The following SLK variants were observed in gnomAD, a reference collection of about 807,000 sequenced individuals.
The protein encoded by SLK is STE20-like serine/threonine-protein kinase.
Under a neutral mutation model 147.7 loss-of-function variants are expected in SLK, and 67 were observed. The observed-to-expected ratio is 0.45, with a 90% CI of 0.37 to 0.56. SLK has a LOEUF of 0.56. Among genes scored for constraint, SLK ranks in the 20% least tolerant of loss-of-function variants. The probability of loss-of-function intolerance (pLI) is 0.00; values close to 1 mark genes in which losing one functional copy is unlikely to be tolerated. For missense variants in SLK, 1,136 were observed against 1,438.8 expected (o/e 0.79, Z 3.41); for synonymous variants, 441 against 475.0 (o/e 0.93, Z 0.93).
Position 103,998,985 on chromosome 10 carries a change from T to A in SLK, c.587+14T>A. The A allele has an allele frequency of 6.3e-7, 1 of 1,583,258 alleles. No individual in the cohort carries two copies. The highest frequency in any genetic ancestry group is 2.2e-5 in the East Asian group (1 of 44,674). On this transcript the variant is annotated intron_variant, in intron 5 of 18. Transcript: ENST00000369755. ...TACACCATATTGGTATGTATTCAGT[T>A]TTATGAATTTATAGTATTAGTCATG...
chr10:104,001,632 G>A, intron 8 of SLK, 60 bp downstream of exon 8: 1 of 1,584,516 alleles, frequency 6.3e-7, no homozygotes, highest in Admixed American at 1.7e-5. Context: ...AGGTGTAGTT[G>A]CTCCTGTATC....
At chr10:104,005,751 G>A in intron 10 of SLK, 60 bp downstream of exon 10, 2 of 1,553,582 alleles carry the variant, frequency 1.3e-6, no homozygotes, top group South Asian at 2.4e-5. Context: ...TCTCTGAAAA[G>A]TCAGAAGAAT....
intron 2 of SLK, among the ~76,000 whole-genome samples, chr10:103,992,141 G>T (rs370227152): frequency 4.6e-3 from 423 of 91,726 alleles, no homozygotes; most frequent in Middle Eastern, 0.018. Context: ...TATTTCTTCT[G>T]TTTTTTTTTT....
At chr10:103,968,039 T>C (rs1235074325) in intron 1 of SLK, 144 bp downstream of exon 1, 7 of 823,302 alleles carry the variant, frequency 8.5e-6, no homozygotes, top group Non-Finnish European at 1.3e-5. Context: ...TGGCTGATCA[T>C]CCAAGGAGTA....
At chr10:104,000,843 A>G (rs949568228) in intron 7 of SLK, among the ~76,000 whole-genome samples, 25 of 152,040 alleles carry the variant, frequency 1.6e-4, no homozygotes, top group Admixed American at 6.5e-5. Context: ...GGATCACCTG[A>G]GGTCAGGAGT....
At chr10:103,978,519 A>G (rs1350684970) in intron 1 of SLK, among the ~76,000 whole-genome samples, 1 of 152,142 alleles carries the variant, frequency 6.6e-6, no homozygotes, top group Non-Finnish European at 1.5e-5. Context: ...TTCAGAAAAA[A>G]TTTTAACAAA....
At chr10:103,971,049 G>A (rs1444923060) in intron 1 of SLK, among the ~76,000 whole-genome samples, 1 of 152,064 alleles carries the variant, frequency 6.6e-6, no homozygotes, top group African/African-American at 2.4e-5. Context: ...ATCATGTTGT[G>A]TATTTAGTCT....
At chr10:104,018,562 C>T (rs567134260) in intron 14 of SLK, among the ~76,000 whole-genome samples, 2 of 151,570 alleles carry the variant, frequency 1.3e-5, no homozygotes, top group Non-Finnish European at 2.9e-5. Context: ...TTTTGGTGTT[C>T]GGAGTAGGAC....
chr10:103,991,789 T>A (rs1471728148), intron 2 of SLK, among the ~76,000 whole-genome samples: 3 of 152,106 alleles, frequency 2.0e-5, no homozygotes, highest in Non-Finnish European at 4.4e-5. Context: ...TGTTATTTTT[T>A]AAAATTATAG....
intron 12 of SLK, among the ~76,000 whole-genome samples, chr10:104,009,214 T>C (rs1457296751): frequency 6.6e-6 from 1 of 152,134 alleles, no homozygotes; most frequent in African/African-American, 2.4e-5. Context: ...CTTTTCATGA[T>C]ATAAAAGACA....
Position 104,003,284 on chromosome 10 carries a change from C to G in SLK, c.2106C>G (p.Pro702=). ...KEPEVTVVSQ[P]TEPQPVLIPS... ...CTGAAGTTACTGTAGTTTCACAGCC[C>G]ACTGAACCTCAGCCTGTTCTAATAC... Residue 702 remains proline (P), a synonymous_variant, in exon 9 of 19, where the codon CCC becomes CCG. Transcript: ENST00000369755. 1 of 1,614,032 alleles carries G rather than the reference C, an allele frequency of 6.2e-7. No homozygotes were observed. The highest frequency in any genetic ancestry group is 8.5e-7 in the Non-Finnish European group (1 of 1,179,930).
chr10:104,001,899 A>G (rs559052570), intron 8 of SLK, among the ~76,000 whole-genome samples: 1 of 152,166 alleles, frequency 6.6e-6, no homozygotes. Context: ...TATTTTTAGT[A>G]GAGATGGGGT....
chr10:104,006,809 A>G (rs1261033410), intron 11 of SLK, among the ~76,000 whole-genome samples: 1 of 152,168 alleles, frequency 6.6e-6, no homozygotes, highest in Admixed American at 6.5e-5. Flanking sequence ...GAGATTTCCT[A>G]AGAAAATAGT....
In SLK at chr10:104,005,921, A is replaced by G; in HGVS notation, c.2490A>G (p.Glu830=). The change falls in exon 11 of 19, where the codon GAA becomes GAG. Residue 830 remains glutamate, a synonymous_variant. Coordinates refer to ENST00000369755, the MANE Select transcript of SLK (RefSeq NM_014720.4). ...TEELRFLRRQ[E]LRELRFLQKE... Reference sequence around the variant, plus strand: ...CATTAAATTTTATCAGACGTCAGGAACTTCGGGAATTAAGATTTCTTCAGA... The same window carrying G: ...CATTAAATTTTATCAGACGTCAGGAGCTTCGGGAATTAAGATTTCTTCAGA... The G allele has an allele frequency of 6.2e-7, 1 of 1,609,034 alleles. No homozygotes were observed.
intron 18 of SLK, among the ~76,000 whole-genome samples, chr10:104,021,953 A>G (rs4918077): frequency 0.48 from 73,622 of 151,900 alleles, 19,320 homozygotes; most frequent in East Asian, 0.73. Context: ...TACAAGGGAA[A>G]GGAACAGATT....
At chr10:103,992,483 C>A in intron 2 of SLK, 115 bp from the exon 3 acceptor site, 2 of 917,050 alleles carry the variant, frequency 2.2e-6, no homozygotes, top group Non-Finnish European at 3.2e-6. Flanking sequence ...TTTCCATAAC[C>A]AGATTATTTG....
intron 18 of SLK, 105 bp downstream of exon 18, chr10:104,021,838 CAT>C (rs35403362): frequency 0.22 from 142,435 of 643,204 alleles, 16,500 homozygotes; most frequent in Non-Finnish European, 0.24. Flanking sequence ...GGGCAGGAAA[CAT>C]AGAGATGAAA....
chr10:103,977,538 TTGG>T (rs1843886864), intron 1 of SLK, among the ~76,000 whole-genome samples: 2 of 152,166 alleles, frequency 1.3e-5, no homozygotes, highest in Admixed American at 1.3e-4. Context: ...TCCCTTGAAC[TTGG>T]TGGAGGCTGC....
chr10:103,991,136 C>T (rs1844088023), intron 2 of SLK, among the ~76,000 whole-genome samples: 1 of 151,880 alleles, frequency 6.6e-6, no homozygotes, highest in African/African-American at 2.4e-5. Flanking sequence ...AATTAGATGT[C>T]CTTGTTTATA....
Sources: gnomAD v4.1 joint callset for allele counts (sites outside exome capture counted in the v4.1 genomes callset) on GRCh38, gnomAD v4.1.1 for gene constraint, MANE v1.5 for transcripts, NCBI Gene and HGNC (gene_info 2026-07-23, HGNC 2026-07-21) for gene names.